DTNA: variants seen among roughly 807,000 people sequenced by gnomAD.
The protein encoded by DTNA is dystrobrevin alpha, also known as dystrophin-related protein 3.
A neutral mutation model predicts 100.7 loss-of-function variants in DTNA; 43 were observed. The observed-to-expected ratio is 0.43, with a 90% CI of 0.33 to 0.55. The LOEUF is 0.55. Ranked by LOEUF, DTNA falls within the 20% of genes least tolerant of loss-of-function variation. DTNA has a pLI of 0.04. For synonymous variants in DTNA, 349 were observed against 347.9 expected, an observed-to-expected ratio of 1.00 and a Z score of -0.04; for missense variants, 798 against 953.9, an observed-to-expected ratio of 0.84 and a Z score of 2.15.
chr18:34,542,481 C>T (rs909546066), intron 1 of DTNA, among the ~76,000 whole-genome samples: 1 of 151,940 alleles, frequency 6.6e-6, no homozygotes, highest in African/African-American at 2.4e-5. Context: ...TTTATGTCTA[C>T]TCATTAATGA....
intron 1 of DTNA, among the ~76,000 whole-genome samples, chr18:34,533,817 A>G (rs552688026): frequency 3.0e-4 from 45 of 152,128 alleles, no homozygotes; most frequent in Non-Finnish European, 5.4e-4. Context: ...GAAGCATTCT[A>G]TGGTACAGAT....
intron 4 of DTNA, among the ~76,000 whole-genome samples, chr18:34,794,764 GGATGCTGTCCACA>G (rs1250955190): frequency 6.6e-6 from 1 of 152,038 alleles, no homozygotes; most frequent in Admixed American, 6.6e-5. Flanking sequence ...TAAAATAAGG[GGATGCTGTCCACA>G]GACCACAACT....
At chr18:34,788,408 A>T (rs2094584476) in intron 3 of DTNA, among the ~76,000 whole-genome samples, 1 of 152,180 alleles carries the variant, frequency 6.6e-6, no homozygotes, top group South Asian at 2.1e-4. Flanking sequence ...TATGTGAAGT[A>T]TCTCATTTGA....
intron 1 of DTNA, among the ~76,000 whole-genome samples, chr18:34,658,472 C>T: frequency 6.6e-6 from 1 of 152,256 alleles, no homozygotes; most frequent in African/African-American, 2.4e-5. Flanking sequence ...CATACCTCAG[C>T]CTCCCGAGTT....
chr18:34,637,644 G>T (rs1333337872), intron 1 of DTNA, among the ~76,000 whole-genome samples: 1 of 152,176 alleles, frequency 6.6e-6, no homozygotes, highest in Non-Finnish European at 1.5e-5. Context: ...GCGTTAGAGT[G>T]CAGGACCTGG....
chr18:34,520,655 CAAA>C (rs890418826), intron 1 of DTNA, among the ~76,000 whole-genome samples: 2 of 151,388 alleles, frequency 1.3e-5, no homozygotes, highest in African/African-American at 4.8e-5. Context: ...AACCCCGTCT[CAAA>C]AAAAAATAAT....
intron 1 of DTNA, among the ~76,000 whole-genome samples, chr18:34,583,977 A>G (rs2048881448): frequency 6.7e-6 from 1 of 149,646 alleles, no homozygotes; most frequent in Non-Finnish European, 1.5e-5. Flanking sequence ...GATACGATAT[A>G]GAAATCTGGG....
intron 1 of DTNA, among the ~76,000 whole-genome samples, chr18:34,665,234 T>G (rs1169447450): frequency 6.6e-6 from 1 of 152,074 alleles, no homozygotes; most frequent in Non-Finnish European, 1.5e-5. Flanking sequence ...TGCACACAAA[T>G]ATTTTTTTCC....
intron 3 of DTNA, among the ~76,000 whole-genome samples, chr18:34,768,851 G>A (rs533674879): frequency 6.6e-6 from 1 of 152,252 alleles, no homozygotes; most frequent in East Asian, 1.9e-4. Flanking sequence ...CTGAGAATAT[G>A]GGCTTTTAAG....
At chr18:34,697,547 A>G (rs2080751466) in intron 1 of DTNA, among the ~76,000 whole-genome samples, 1 of 151,616 alleles carries the variant, frequency 6.6e-6, no homozygotes, top group South Asian at 2.1e-4. Context: ...CATTGTTAGA[A>G]GGGGAGAAAA....
At chr18:34,664,162 A>G (rs1433654362) in intron 1 of DTNA, among the ~76,000 whole-genome samples, 4 of 152,282 alleles carry the variant, frequency 2.6e-5, no homozygotes, top group Middle Eastern at 3.4e-3. Context: ...GAGTTTCTTC[A>G]TATTTGTCAA....
chr18:34,868,455 C>A (rs758131597), intron 17 of DTNA: 26 of 982,706 alleles, frequency 2.6e-5, no homozygotes, highest in Admixed American at 6.1e-5. Flanking sequence ...AAAACATGAT[C>A]TAAGGAGAGA....
chr18:34,572,811 C>G (rs1464507573), intron 1 of DTNA, among the ~76,000 whole-genome samples: 1 of 152,162 alleles, frequency 6.6e-6, no homozygotes, highest in Non-Finnish European at 1.5e-5. Flanking sequence ...CAAGGAAATA[C>G]AGCTAGGTGG....
At chr18:34,770,475 C>T (rs1291539876) in intron 3 of DTNA, among the ~76,000 whole-genome samples, 6 of 152,128 alleles carry the variant, frequency 3.9e-5, no homozygotes, top group African/African-American at 1.4e-4. Flanking sequence ...GTTCTTTCCC[C>T]ACAGCCCTTG....
intron 1 of DTNA, among the ~76,000 whole-genome samples, chr18:34,516,613 C>G (rs1378147355): frequency 6.6e-6 from 1 of 152,076 alleles, no homozygotes; most frequent in Non-Finnish European, 1.5e-5. Flanking sequence ...CCCCTAGGAA[C>G]GCATTCTCTT....
At chr18:34,500,553 TC>T (rs1420440803) in intron 1 of DTNA, among the ~76,000 whole-genome samples, 1 of 151,524 alleles carries the variant, frequency 6.6e-6, no homozygotes, top group African/African-American at 2.4e-5. Flanking sequence ...AACCTCCGCC[TC>T]CCCGATTCAA....
intron 1 of DTNA, among the ~76,000 whole-genome samples, chr18:34,541,540 G>A (rs2044247550): frequency 6.6e-6 from 1 of 152,016 alleles, no homozygotes; most frequent in Admixed American, 6.6e-5. Context: ...CACCATGTAA[G>A]ATGCTCCTCA....
At chr18:34,681,695 A>AACACAC (rs71813996) in intron 1 of DTNA, among the ~76,000 whole-genome samples, 57 of 142,998 alleles carry the variant, frequency 4.0e-4, no homozygotes, top group Admixed American at 9.9e-4. Context: ...CCCTATACAC[A>AACACAC]ACACACACAC....
intron 1 of DTNA, among the ~76,000 whole-genome samples, chr18:34,739,094 C>G (rs2090160692): frequency 6.6e-6 from 1 of 152,074 alleles, no homozygotes; most frequent in African/African-American, 2.4e-5. Flanking sequence ...AATCCTGTTT[C>G]TATTGTTGCA....
Sources: allele counts gnomAD v4.1 joint callset (sites outside exome capture counted in the v4.1 genomes callset), GRCh38; gene constraint gnomAD v4.1.1; transcripts MANE v1.5; gene names NCBI Gene and HGNC (gene_info 2026-07-23, HGNC 2026-07-21).